The following DNM3 variants were observed in gnomAD, a reference collection of about 807,000 sequenced individuals.
The protein encoded by DNM3 is dynamin 3.
A neutral mutation model predicts 101.6 loss-of-function variants in DNM3; 47 were observed. The observed-to-expected ratio is 0.46, with a 90% CI of 0.37 to 0.59. The LOEUF is 0.59. DNM3 is among the 20% of genes least tolerant of loss of function. DNM3 has a pLI of 0.00. For synonymous variants in DNM3, 385 were observed against 387.9 expected, an observed-to-expected ratio of 0.99 and a Z score of 0.09; for missense variants, 849 against 1,085.7, an observed-to-expected ratio of 0.78 and a Z score of 3.06.
At chr1:172,274,743 T>G (rs1318388675) in intron 15 of DNM3, among the ~76,000 whole-genome samples, 2 of 149,470 alleles carry the variant, frequency 1.3e-5, no homozygotes, top group Admixed American at 6.7e-5. Context: ...TTTTTTTAAT[T>G]TTCAATTACT....
chr1:171,953,424 T>C (rs1246183556), intron 2 of DNM3, among the ~76,000 whole-genome samples: 1 of 151,076 alleles, frequency 6.6e-6, no homozygotes, highest in Non-Finnish European at 1.5e-5. Flanking sequence ...GCAATTCTTT[T>C]TTTTTTTTTT....
chr1:171,926,653 G>A (rs944461550), intron 2 of DNM3, among the ~76,000 whole-genome samples: 8 of 152,062 alleles, frequency 5.3e-5, no homozygotes, highest in African/African-American at 1.9e-4. Flanking sequence ...AGAATTGCAA[G>A]TCCTTCTACT....
At chr1:172,316,302 C>T (rs897135692) in intron 16 of DNM3, among the ~76,000 whole-genome samples, 13 of 151,850 alleles carry the variant, frequency 8.6e-5, no homozygotes, top group Non-Finnish European at 1.0e-4. Context: ...ATGTAAAGAC[C>T]ATCGAGACTA....
intron 2 of DNM3, among the ~76,000 whole-genome samples, chr1:171,930,184 G>A (rs972478826): frequency 5.3e-5 from 8 of 151,262 alleles, no homozygotes; most frequent in Non-Finnish European, 1.5e-5. Context: ...ACTCTCCAAA[G>A]TCTGAAGGCT....
At chr1:172,242,435 T>C (rs371176426) in intron 14 of DNM3, among the ~76,000 whole-genome samples, 2 of 152,074 alleles carry the variant, frequency 1.3e-5, no homozygotes, top group African/African-American at 4.8e-5. Flanking sequence ...GTGCCAACAA[T>C]TGTCTTGTGT....
At chr1:172,089,581 A>G (rs1392033044) in intron 12 of DNM3, among the ~76,000 whole-genome samples, 3 of 152,250 alleles carry the variant, frequency 2.0e-5, no homozygotes, top group Admixed American at 2.0e-4. Context: ...AACTTCAAGT[A>G]GCTAAATACA....
intron 4 of DNM3, among the ~76,000 whole-genome samples, chr1:172,020,269 A>C (rs1467511475): frequency 6.6e-6 from 1 of 152,118 alleles, no homozygotes; most frequent in Non-Finnish European, 1.5e-5. Flanking sequence ...CCGGATGGCT[A>C]CAGTGGACTA....
At chr1:172,403,088 A>T (rs955304148) in intron 20 of DNM3, among the ~76,000 whole-genome samples, 3 of 152,168 alleles carry the variant, frequency 2.0e-5, no homozygotes, top group African/African-American at 7.2e-5. Context: ...TTTGAGAACC[A>T]TTGCCAAGAG....
intron 1 of DNM3, among the ~76,000 whole-genome samples, chr1:171,891,237 A>G (rs1212769423): frequency 6.6e-6 from 1 of 152,192 alleles, no homozygotes. Context: ...TAGATTTGGC[A>G]GTCGTCCTAT....
chr1:172,093,737 G>A, intron 13 of DNM3: 1 of 1,606,158 alleles, frequency 6.2e-7, no homozygotes, highest in Non-Finnish European at 8.5e-7. Flanking sequence ...TACGAGCTAA[G>A]TTCTGTAAGC....
intron 15 of DNM3, among the ~76,000 whole-genome samples, chr1:172,253,896 T>C (rs1373051551): frequency 6.6e-6 from 1 of 152,172 alleles, no homozygotes; most frequent in Non-Finnish European, 1.5e-5. Flanking sequence ...AAGTGTTAAC[T>C]AATTATTTCT....
chr1:172,379,132 T>G lies in DNM3; in HGVS notation c.2008T>G (p.Cys670Gly). Residue 670 changes from cysteine (C) to glycine (G), a missense_variant, in exon 18 of 21, where the codon TGT becomes GGT. By Grantham distance (159) the Cys-to-Gly change is radical. Transcript: ENST00000627582. ...CTCCTACATGTCCATTATCAACAAA[T>G]GTATCCGAGATCTAATTCCAAAAAC... ...VDSYMSIINK[C>G]IRDLIPKTIM... The G allele has an allele frequency of 6.2e-7, 1 of 1,611,582 alleles. No homozygotes were observed. The highest frequency in any genetic ancestry group is 8.5e-7 in the Non-Finnish European group (1 of 1,178,610).
chr1:172,271,218 C>A (rs1303672463), intron 15 of DNM3, among the ~76,000 whole-genome samples: 1 of 151,994 alleles, frequency 6.6e-6, no homozygotes, highest in East Asian at 1.9e-4. Flanking sequence ...AGTATTTATA[C>A]CAGAAAACTA....
intron 2 of DNM3, among the ~76,000 whole-genome samples, chr1:171,946,101 A>G (rs2042158790): frequency 6.6e-6 from 1 of 152,090 alleles, no homozygotes; most frequent in Admixed American, 6.6e-5. Context: ...TAAGACAAGG[A>G]CCATCATATT....
chr1:172,229,923 A>G (rs2061270844), intron 14 of DNM3, among the ~76,000 whole-genome samples: 1 of 152,156 alleles, frequency 6.6e-6, no homozygotes, highest in Admixed American at 6.6e-5. Flanking sequence ...TTGCTAGGAC[A>G]GTGTATTGAC....
chr1:172,131,019 A>C (rs896425355), intron 13 of DNM3, among the ~76,000 whole-genome samples, 156 bp from the exon 14 acceptor site: 4 of 152,164 alleles, frequency 2.6e-5, no homozygotes, highest in African/African-American at 9.7e-5. Context: ...TTGGAAGATA[A>C]ATTCTCTTGA....
intron 1 of DNM3, among the ~76,000 whole-genome samples, chr1:171,921,273 G>C (rs1343191802): frequency 6.6e-6 from 1 of 152,070 alleles, no homozygotes; most frequent in Non-Finnish European, 1.5e-5. Context: ...GGAGAAAAGT[G>C]TCAGTATATT....
chr1:172,146,202 C>A (rs1295817366), intron 14 of DNM3, among the ~76,000 whole-genome samples: 1 of 152,158 alleles, frequency 6.6e-6, no homozygotes, highest in Non-Finnish European at 1.5e-5. Context: ...AAATATATCT[C>A]TTTTTTATAC....
intron 2 of DNM3, among the ~76,000 whole-genome samples, chr1:171,943,272 C>T (rs2041939586): frequency 6.6e-6 from 1 of 151,982 alleles, no homozygotes; most frequent in Non-Finnish European, 1.5e-5. Flanking sequence ...AATTCTAAGC[C>T]CACCAACCAT....
Sources: gnomAD v4.1 joint callset for allele counts (sites outside exome capture counted in the v4.1 genomes callset) on GRCh38, gnomAD v4.1.1 for gene constraint, MANE v1.5 for transcripts, NCBI Gene and HGNC (gene_info 2026-07-23, HGNC 2026-07-21) for gene names.